Variants in SPOCK1 observed in about 807,000 individuals in gnomAD.
The protein encoded by SPOCK1 is SPARC (osteonectin), cwcv and kazal like domains proteoglycan 1.
Under a neutral mutation model 55.3 loss-of-function variants are expected in SPOCK1, and 23 were observed. That is an observed-to-expected ratio of 0.42 (90% confidence interval 0.30 to 0.59). The LOEUF (loss-of-function observed/expected upper bound fraction) is 0.59, where lower values mean the gene tolerates loss of function less well. Among genes scored for constraint, SPOCK1 ranks in the 20% least tolerant of loss-of-function variants. The probability of loss-of-function intolerance (pLI) is 0.22; values close to 1 mark genes in which losing one functional copy is unlikely to be tolerated. For missense variants in SPOCK1, 499 were observed against 552.5 expected (o/e 0.90, Z 0.97); for synonymous variants, 226 against 221.0 (o/e 1.02, Z -0.20).
chr5:137,059,716 A>G (rs1360554413), intron 6 of SPOCK1, among the ~76,000 whole-genome samples: 1 of 152,136 alleles, frequency 6.6e-6, no homozygotes, highest in African/African-American at 2.4e-5. Flanking sequence ...CATCTGACAA[A>G]GGTCTGATAG....
At chr5:137,478,345 C>T (rs1056676223) in intron 2 of SPOCK1, among the ~76,000 whole-genome samples, 7 of 152,170 alleles carry the variant, frequency 4.6e-5, no homozygotes, top group African/African-American at 1.2e-4. Flanking sequence ...GGGCCTGAGA[C>T]ACAATCTCTT....
At chr5:137,155,573 T>A (rs536025837) in intron 3 of SPOCK1, among the ~76,000 whole-genome samples, 1 of 152,306 alleles carries the variant, frequency 6.6e-6, no homozygotes, top group South Asian at 2.1e-4. Flanking sequence ...ATACCCTTTC[T>A]CCAAATACTC....
rs955863112 is a variant in SPOCK1, at chr5:137,312,283, G to T, written c.187-45228C>A. On this transcript the variant is annotated intron_variant, in intron 2 of 10. Transcript: ENST00000394945. ...AGCCTGCTGTCAGGAGAGGTGGAGA[G>T]GGAAGGAATGTCACAGGTTCCAGAC... Among the ~76,000 whole-genome samples the T allele has an allele frequency of 4.6e-5, 7 of 152,160 alleles. No homozygotes were observed. In the South Asian group the frequency reaches 6.2e-4, roughly 14 times the overall value.
intron 8 of SPOCK1, among the ~76,000 whole-genome samples, chr5:136,986,759 T>G (rs1399252202): frequency 6.6e-6 from 1 of 152,128 alleles, no homozygotes; most frequent in African/African-American, 2.4e-5. Context: ...TAATAATTGT[T>G]AGAACAAAAT....
At chr5:137,051,626 C>T (rs1253324810) in intron 6 of SPOCK1, among the ~76,000 whole-genome samples, 1 of 151,932 alleles carries the variant, frequency 6.6e-6, no homozygotes, top group African/African-American at 2.4e-5. Flanking sequence ...AAACAAATGA[C>T]ATATTGGGGG....
At chr5:137,399,908 G>A (rs941718142) in intron 2 of SPOCK1, among the ~76,000 whole-genome samples, 1 of 152,166 alleles carries the variant, frequency 6.6e-6, no homozygotes, top group Non-Finnish European at 1.5e-5. Context: ...AGACATTTGT[G>A]GGAATAAAGA....
chr5:137,235,242 C>T (rs1272580917), intron 3 of SPOCK1, among the ~76,000 whole-genome samples: 2 of 152,204 alleles, frequency 1.3e-5, no homozygotes, highest in Non-Finnish European at 2.9e-5. Flanking sequence ...TGGCCAAGTC[C>T]TCTGACCTGT....
At chr5:137,017,726 G>C (rs79125595) in intron 6 of SPOCK1, among the ~76,000 whole-genome samples, 1 of 152,068 alleles carries the variant, frequency 6.6e-6, no homozygotes, top group Non-Finnish European at 1.5e-5. Context: ...TAAAGGATTA[G>C]GCTAAAAACA....
chr5:137,487,967 C>T (rs1178373678), intron 2 of SPOCK1, among the ~76,000 whole-genome samples: 1 of 152,196 alleles, frequency 6.6e-6, no homozygotes, highest in African/African-American at 2.4e-5. Context: ...ATAAAATGCT[C>T]ATTTTGTCTA....
At chr5:137,167,120 A>G (rs1192543840) in intron 3 of SPOCK1, among the ~76,000 whole-genome samples, 1 of 152,098 alleles carries the variant, frequency 6.6e-6, no homozygotes, top group Non-Finnish European at 1.5e-5. Context: ...AAAGGGATGG[A>G]AAGAGATATT....
rs549197519 is a variant in SPOCK1 at position 137,019,129 on chromosome 5, G to A, written c.590-26529C>T. Among the ~76,000 whole-genome samples the A allele has an allele frequency of 1.3e-3, 192 of 152,284 alleles. 2 individuals carry two copies. Among genetic ancestry groups the A allele is most frequent in the African/African-American group, 4.4e-3 (184 of 41,576 alleles). ...TACTTATACACTGCTGGGGTCAGAT[G>A]TGAATGTAAATAATCCAATCTTCCT... On this transcript the variant is annotated intron_variant, in intron 6 of 10. Transcript: ENST00000394945.
chr5:137,429,422 C>T (rs1752698832), intron 2 of SPOCK1, among the ~76,000 whole-genome samples: 1 of 152,166 alleles, frequency 6.6e-6, no homozygotes, highest in Admixed American at 6.5e-5. Context: ...GCACTTACCA[C>T]CACTGTAATT....
At chr5:137,063,009 T>C (rs908019515) in intron 6 of SPOCK1, among the ~76,000 whole-genome samples, 4 of 145,118 alleles carry the variant, frequency 2.8e-5, no homozygotes, top group African/African-American at 5.2e-5. Context: ...CCGAGGCGGG[T>C]GGATCATGAG....
At chr5:137,393,660 A>G (rs748283276) in intron 2 of SPOCK1, among the ~76,000 whole-genome samples, 2 of 152,266 alleles carry the variant, frequency 1.3e-5, no homozygotes, top group African/African-American at 2.4e-5. Flanking sequence ...TTATGTTCAT[A>G]GGAGGTGACA....
chr5:137,063,180 C>A (rs1269606490), intron 6 of SPOCK1, among the ~76,000 whole-genome samples: 1 of 148,080 alleles, frequency 6.8e-6, no homozygotes, highest in East Asian at 2.0e-4. Flanking sequence ...TTGCAGTGAG[C>A]CGAGATTGCG....
chr5:137,056,107 G>A (rs1322652120), intron 6 of SPOCK1, among the ~76,000 whole-genome samples: 1 of 152,200 alleles, frequency 6.6e-6, no homozygotes. Context: ...TCTAATCTGT[G>A]CCATGCACTG....
chr5:137,119,858 CAT>C (rs1467119757), intron 4 of SPOCK1, among the ~76,000 whole-genome samples: 4 of 152,210 alleles, frequency 2.6e-5, no homozygotes, highest in African/African-American at 9.7e-5. Context: ...TAATAGCTCA[CAT>C]GTGTCCAGCT....
intron 2 of SPOCK1, among the ~76,000 whole-genome samples, chr5:137,470,180 C>T (rs1032259997): frequency 1.3e-5 from 2 of 152,160 alleles, no homozygotes; most frequent in African/African-American, 4.8e-5. Flanking sequence ...ATGTATTTGG[C>T]CATTTATTGT....
At chr5:136,999,968 C>T (rs1751117998) in intron 6 of SPOCK1, among the ~76,000 whole-genome samples, 1 of 152,186 alleles carries the variant, frequency 6.6e-6, no homozygotes, top group African/African-American at 2.4e-5. Context: ...AATAACCCTA[C>T]CCTACTCCTC....
Sources: gnomAD v4.1 joint callset for allele counts (sites outside exome capture counted in the v4.1 genomes callset) on GRCh38, gnomAD v4.1.1 for gene constraint, MANE v1.5 for transcripts, NCBI Gene and HGNC (gene_info 2026-07-23, HGNC 2026-07-21) for gene names.